CACNA1D: variants seen among roughly 807,000 people sequenced by gnomAD.
CACNA1D encodes voltage-dependent L-type calcium channel subunit alpha-1D.
In CACNA1D, 55 loss-of-function variants were observed where a neutral mutation model predicts 257.1. That is an observed-to-expected ratio of 0.21 (90% CI 0.17 to 0.27). The LOEUF (loss-of-function observed/expected upper bound fraction) is 0.27, where lower values mean the gene tolerates loss of function less well. CACNA1D is among the 10% of genes least tolerant of loss of function. The pLI, the probability that CACNA1D is intolerant of heterozygous loss-of-function variation, is 1.00. For synonymous variants in CACNA1D, 980 were observed against 1,014.9 expected (o/e 0.97, Z 0.65); for missense variants, 1,876 against 2,784.0 (o/e 0.67, Z 7.34).
At chr3:53,524,602 T>C (rs952809092) in intron 3 of CACNA1D, among the ~76,000 whole-genome samples, 7 of 152,238 alleles carry the variant, frequency 4.6e-5, no homozygotes, top group African/African-American at 1.4e-4. Flanking sequence ...GGATGTGACA[T>C]AGGTCAGGGG....
intron 3 of CACNA1D, among the ~76,000 whole-genome samples, chr3:53,559,375 T>A (rs918829456): frequency 6.6e-6 from 1 of 152,168 alleles, no homozygotes; most frequent in Admixed American, 6.5e-5. Context: ...AGTTTTCCAG[T>A]TTTTCGTATG....
intron 3 of CACNA1D, among the ~76,000 whole-genome samples, chr3:53,636,846 G>C (rs2093889961): frequency 6.6e-6 from 1 of 152,060 alleles, no homozygotes; most frequent in South Asian, 2.1e-4. Context: ...TCTTTTCTCT[G>C]TGCAGATCCT....
intron 3 of CACNA1D, among the ~76,000 whole-genome samples, chr3:53,545,611 A>G (rs1021266054): frequency 6.6e-6 from 1 of 152,234 alleles, no homozygotes; most frequent in African/African-American, 2.4e-5. Flanking sequence ...TTCTTTACTT[A>G]TAAATGAAAA....
Position 53,731,032 on chromosome 3 carries a change from T to C in CACNA1D, c.2337-45T>C, listed in dbSNP as rs756437047. 3.4e-6 allele frequency: 4 copies of C among 1,166,304 alleles called. No individual in the cohort carries two copies. The East Asian group carries it at 7.0e-5, about 21-fold the overall frequency. 72.2% of individuals were successfully genotyped at this position (1,166,304 alleles called of 1,614,324 possible). A position where few individuals can be genotyped will look rare whatever the true frequency, so the allele number is the denominator to read the frequency against. The stretch of plus-strand genomic sequence containing the variant: ...TCCTGATTAGCATTTTTATACAGAG[T>C]AACATGGTTATTTGGTTTCTTGTGC... On this transcript the variant is annotated intron_variant, in intron 16 of 47. Coordinates refer to ENST00000350061, the MANE Select transcript of CACNA1D (RefSeq NM_001128840.3).
chr3:53,648,861 CAA>C (rs2094054131), intron 3 of CACNA1D, among the ~76,000 whole-genome samples: 1 of 150,056 alleles, frequency 6.7e-6, no homozygotes, highest in Admixed American at 6.6e-5. Context: ...CACACACACA[CAA>C]TTCGTTCACT....
At chr3:53,649,932 G>T (rs1242314546) in intron 3 of CACNA1D, among the ~76,000 whole-genome samples, 1 of 152,328 alleles carries the variant, frequency 6.6e-6, no homozygotes, top group African/African-American at 2.4e-5. Context: ...TTTTAGACTT[G>T]CTGATTGGTA....
At chr3:53,526,020 A>C (rs894654747) in intron 3 of CACNA1D, among the ~76,000 whole-genome samples, 3 of 152,190 alleles carry the variant, frequency 2.0e-5, no homozygotes, top group Non-Finnish European at 2.9e-5. Flanking sequence ...TAATTGCAGG[A>C]TGGCTGCCAA....
intron 3 of CACNA1D, among the ~76,000 whole-genome samples, chr3:53,621,551 A>G (rs760623375): frequency 2.6e-5 from 4 of 152,250 alleles, no homozygotes; most frequent in Non-Finnish European, 5.9e-5. Context: ...GAAGAAAACA[A>G]AGGACTTAGG....
chr3:53,802,118 C>T (rs1263026562), intron 42 of CACNA1D, 29 bp from the exon 43 acceptor site: 1 of 1,582,642 alleles, frequency 6.3e-7, no homozygotes, highest in East Asian at 2.2e-5. Context: ...TCTTCTCCCT[C>T]CTTCCCATGT....
intron 7 of CACNA1D, among the ~76,000 whole-genome samples, chr3:53,669,483 A>G (rs1451853366): frequency 3.3e-5 from 5 of 152,266 alleles, no homozygotes; most frequent in Admixed American, 6.5e-5. Flanking sequence ...CTACAAGCAC[A>G]TTTCTGAATC....
rs75826881 is a variant in CACNA1D, at chr3:53,617,782, G to A, written c.484-32997G>A. Among the ~76,000 whole-genome samples the A allele has an allele frequency of 4.2e-3, 637 of 152,282 alleles. 22 individuals carry two copies. The East Asian group carries it at 0.084, about 20-fold the overall frequency. ...GTGACTCAGGCACTCAGCTAGGGAC[G>A]CAGCTGGGGAGGTAGATATTTACAT... On this transcript the variant is annotated intron_variant, in intron 3 of 47. Transcript: ENST00000350061.
chr3:53,515,049 C>G (rs897604246), intron 3 of CACNA1D, among the ~76,000 whole-genome samples: 1 of 152,164 alleles, frequency 6.6e-6, no homozygotes, highest in Non-Finnish European at 1.5e-5. Context: ...GGTTAATTCC[C>G]TTGGAACACC....
chr3:53,787,105 A>G (rs1275397883), intron 40 of CACNA1D, among the ~76,000 whole-genome samples, 153 bp downstream of exon 40: 5 of 152,100 alleles, frequency 3.3e-5, no homozygotes, highest in African/African-American at 1.2e-4. Context: ...TGGACTAGCC[A>G]TTTCTGGGCC....
intron 3 of CACNA1D, among the ~76,000 whole-genome samples, chr3:53,647,861 A>G (rs1193238854): frequency 6.6e-6 from 1 of 152,194 alleles, no homozygotes; most frequent in African/African-American, 2.4e-5. Context: ...GAATCTCTGT[A>G]ATAAAGAATT....
chr3:53,773,082 T>G (rs1410200322), intron 33 of CACNA1D, among the ~76,000 whole-genome samples, 184 bp downstream of exon 33: 3 of 152,186 alleles, frequency 2.0e-5, no homozygotes, highest in African/African-American at 7.2e-5. Flanking sequence ...AGGCCCAGGC[T>G]CAGATGAATG....
intron 3 of CACNA1D, among the ~76,000 whole-genome samples, chr3:53,638,423 ACTCTGCACCGGGCAC>A (rs1263254972): frequency 3.9e-5 from 6 of 152,080 alleles, no homozygotes; most frequent in African/African-American, 1.4e-4. Flanking sequence ...TTTAGCAGTT[ACTCTGCACCGGGCAC>A]CATGCTGTTC....
intron 3 of CACNA1D, among the ~76,000 whole-genome samples, chr3:53,504,936 T>C (rs1328274862): frequency 6.6e-6 from 1 of 152,154 alleles, no homozygotes; most frequent in Non-Finnish European, 1.5e-5. Context: ...ATGTCCAGAA[T>C]GGAGATCTTC....
intron 9 of CACNA1D, among the ~76,000 whole-genome samples, chr3:53,717,509 G>A (rs955581312): frequency 2.0e-5 from 3 of 152,172 alleles, no homozygotes; most frequent in Non-Finnish European, 4.4e-5. Flanking sequence ...CACACTAGTG[G>A]GCGTGTTTCC....
intron 3 of CACNA1D, among the ~76,000 whole-genome samples, chr3:53,559,676 G>A (rs111865675): frequency 8.9e-4 from 136 of 152,272 alleles, no homozygotes; most frequent in Non-Finnish European, 1.5e-3. Flanking sequence ...GATCCACAAC[G>A]AAGAGCTTAA....
Sources: gnomAD v4.1 joint callset for allele counts (sites outside exome capture counted in the v4.1 genomes callset) on GRCh38, gnomAD v4.1.1 for gene constraint, MANE v1.5 for transcripts, NCBI Gene and HGNC (gene_info 2026-07-23, HGNC 2026-07-21) for gene names.